The following FHIT variants were observed in gnomAD, a reference collection of about 807,000 sequenced individuals.
The protein encoded by FHIT is fragile histidine triad diadenosine triphosphatase, also known as bis(5'-adenosyl)-triphosphatase.
Under a neutral mutation model 17.9 loss-of-function variants are expected in FHIT, and 19 were observed. That is an observed-to-expected ratio of 1.06 (90% confidence interval 0.74 to 1.56). FHIT has a LOEUF of 1.56. FHIT is among the 40% of genes most tolerant of loss of function. The probability of loss-of-function intolerance (pLI) is 0.00; values close to 1 mark genes in which losing one functional copy is unlikely to be tolerated. For synonymous variants in FHIT, 81 were observed against 69.7 expected, an observed-to-expected ratio of 1.16 and a Z score of -0.81; for missense variants, 248 against 189.2, an observed-to-expected ratio of 1.31 and a Z score of -1.82.
At chr3:60,740,356 T>C (rs1281597635) in intron 4 of FHIT, among the ~76,000 whole-genome samples, 1 of 152,162 alleles carries the variant, frequency 6.6e-6, no homozygotes, top group African/African-American at 2.4e-5. Flanking sequence ...CCTCAAATCC[T>C]TCTCTATGAA....
At chr3:59,922,134 T>C (rs560101282) in intron 8 of FHIT, among the ~76,000 whole-genome samples, 1 of 152,302 alleles carries the variant, frequency 6.6e-6, no homozygotes, top group South Asian at 2.1e-4. Context: ...CTGCTGGTTT[T>C]CATTTGAAAA....
chr3:60,715,152 T>A (rs1553706390), intron 4 of FHIT, among the ~76,000 whole-genome samples: 1 of 152,056 alleles, frequency 6.6e-6, no homozygotes, highest in Non-Finnish European at 1.5e-5. Flanking sequence ...CTATCTGATC[T>A]TTGACAAACC....
chr3:60,922,786 G>C (rs1707349994), intron 3 of FHIT, among the ~76,000 whole-genome samples: 1 of 152,062 alleles, frequency 6.6e-6, no homozygotes, highest in South Asian at 2.1e-4. Flanking sequence ...TTAACTGTCT[G>C]CCATCTACTA....
intron 2 of FHIT, among the ~76,000 whole-genome samples, chr3:61,200,174 T>C (rs1005646334): frequency 2.6e-5 from 4 of 152,324 alleles, no homozygotes; most frequent in East Asian, 3.9e-4. Flanking sequence ...AAACTGGCTC[T>C]TCCATGCAAC....
chr3:59,945,302 G>A (rs778578799), intron 7 of FHIT, among the ~76,000 whole-genome samples: 2 of 152,118 alleles, frequency 1.3e-5, no homozygotes, highest in African/African-American at 2.4e-5. Context: ...TCATCTGCTT[G>A]TTGGCCTCAT....
At chr3:59,996,106 T>A (rs1699500071) in intron 7 of FHIT, among the ~76,000 whole-genome samples, 1 of 152,064 alleles carries the variant, frequency 6.6e-6, no homozygotes, top group East Asian at 1.9e-4. Context: ...AACTGGTGAA[T>A]AAAGACGATG....
intron 7 of FHIT, among the ~76,000 whole-genome samples, chr3:59,953,889 T>C (rs1475843964): frequency 6.6e-6 from 1 of 152,224 alleles, no homozygotes; most frequent in Non-Finnish European, 1.5e-5. Flanking sequence ...GAGGTCCTGA[T>C]GCCTGTGGTG....
intron 5 of FHIT, among the ~76,000 whole-genome samples, chr3:60,269,104 A>C (rs1045638340): frequency 2.6e-5 from 4 of 152,184 alleles, no homozygotes; most frequent in Admixed American, 2.6e-4. Context: ...AGAGTTGTTA[A>C]ATGATTTTAT....
intron 5 of FHIT, among the ~76,000 whole-genome samples, chr3:60,282,019 A>G (rs1028685447): frequency 1.1e-4 from 17 of 152,192 alleles, no homozygotes; most frequent in Non-Finnish European, 1.6e-4. Context: ...TATTGGCAAG[A>G]AAGTGGAGTG....
chr3:59,808,891 G>A (rs570986355), intron 8 of FHIT, among the ~76,000 whole-genome samples: 5 of 151,972 alleles, frequency 3.3e-5, no homozygotes, highest in Non-Finnish European at 7.4e-5. Context: ...AAAACTCTCC[G>A]ACAGAAGCCT....
intron 3 of FHIT, among the ~76,000 whole-genome samples, chr3:60,844,850 G>A (rs1271644050): frequency 4.6e-5 from 7 of 152,116 alleles, no homozygotes; most frequent in East Asian, 1.9e-4. Context: ...CTTCATTAGC[G>A]CTACATAGCT....
At chr3:60,581,575 C>T (rs1220638588) in intron 4 of FHIT, among the ~76,000 whole-genome samples, 1 of 152,074 alleles carries the variant, frequency 6.6e-6, no homozygotes, top group African/African-American at 2.4e-5. Flanking sequence ...TTAAGTAAAA[C>T]ATTAGATTCA....
chr3:59,871,690 T>A lies in FHIT; in HGVS notation c.348+50656A>T, dbSNP rs1049807972. Among the ~76,000 whole-genome samples, 21 of 152,272 alleles carry A rather than the reference T, an allele frequency of 1.4e-4. 1 individual carries two copies. In the East Asian group the frequency reaches 1.7e-3, roughly 13 times the overall value. The stretch of plus-strand genomic sequence containing the variant: ...CAGTGGGTAAAGAGTCTTTGAGAGA[T>A]TAGCAATGTCTGCCGGGTAAGACCA... On this transcript the variant is annotated intron_variant, in intron 8 of 9. Transcript: ENST00000492590.
At chr3:61,143,422 G>A (rs1262058786) in intron 2 of FHIT, among the ~76,000 whole-genome samples, 1 of 152,168 alleles carries the variant, frequency 6.6e-6, no homozygotes, top group African/African-American at 2.4e-5. Context: ...GTTTTTGAGA[G>A]ATAGTTGCTT....
intron 5 of FHIT, among the ~76,000 whole-genome samples, chr3:60,109,439 A>C (rs2107173114): frequency 6.6e-6 from 1 of 152,298 alleles, no homozygotes; most frequent in Middle Eastern, 3.4e-3. Flanking sequence ...GAACGGAAAA[A>C]AAAATTCCAT....
chr3:61,069,918 T>C (rs2034744866), intron 2 of FHIT, among the ~76,000 whole-genome samples: 2 of 152,060 alleles, frequency 1.3e-5, no homozygotes, highest in South Asian at 4.1e-4. Context: ...GGTTTTGTTG[T>C]TGTTGTCATT....
intron 8 of FHIT, among the ~76,000 whole-genome samples, chr3:59,854,334 A>G (rs1453993746): frequency 3.9e-5 from 6 of 152,126 alleles, no homozygotes; most frequent in Non-Finnish European, 8.8e-5. Context: ...GAACACAAAT[A>G]CGTCTGATAA....
At chr3:60,591,307 G>C (rs982165382) in intron 4 of FHIT, among the ~76,000 whole-genome samples, 5 of 151,982 alleles carry the variant, frequency 3.3e-5, no homozygotes, top group African/African-American at 1.2e-4. Context: ...TGACCCTCTA[G>C]TTTGGAGGCC....
intron 8 of FHIT, among the ~76,000 whole-genome samples, chr3:59,910,969 AAAT>A (rs1704843108): frequency 6.6e-6 from 1 of 152,164 alleles, no homozygotes; most frequent in African/African-American, 2.4e-5. Context: ...AAACCACAGA[AAAT>A]AATAAAAACA....
Sources: allele counts gnomAD v4.1 joint callset (sites outside exome capture counted in the v4.1 genomes callset), GRCh38; gene constraint gnomAD v4.1.1; transcripts MANE v1.5; gene names NCBI Gene and HGNC (gene_info 2026-07-23, HGNC 2026-07-21).